Variants in MYH13 observed in about 807,000 individuals in gnomAD.
The protein encoded by MYH13 is myosin-13.
In MYH13, 177 loss-of-function variants were observed where a neutral mutation model predicts 232.1. The ratio of observed to expected loss-of-function variants is 0.76; its 90% CI spans 0.67 to 0.86. The LOEUF (loss-of-function observed/expected upper bound fraction) is 0.86. Among genes scored for constraint, MYH13 ranks in the 40% least tolerant of loss-of-function variants. MYH13 has a pLI of 0.00. For synonymous variants in MYH13, 884 were observed against 923.5 expected (o/e 0.96, Z 0.78); for missense variants, 2,246 against 2,405.9 (o/e 0.93, Z 1.39).
intron 35 of MYH13, among the ~76,000 whole-genome samples, chr17:10,308,559 T>C (rs1007404993): frequency 6.7e-6 from 1 of 149,946 alleles, no homozygotes; most frequent in African/African-American, 2.5e-5. Flanking sequence ...AAAAATATAA[T>C]ATTTATATAA....
chr17:10,346,727 C>A lies in MYH13; in HGVS notation c.1216G>T (p.Val406Leu). ...GTGACATATTCATTGCCAACCTTCA[C>A]CCTTGGACAGCACAGGCCCTTCAGC... Reference protein sequence around the residue: ...EMLKGLCCPRVKVGNEYVTKG... With the variant: ...EMLKGLCCPRLKVGNEYVTKG... Residue 406 changes from valine to leucine, a missense_variant, in exon 13 of 41, where the codon GTG becomes TTG. Coordinates refer to ENST00000252172, the MANE Select transcript of MYH13 (RefSeq NM_003802.3). 5.6e-6 allele frequency: 9 copies of A among 1,614,028 alleles called. No individual in the cohort carries two copies. Among genetic ancestry groups the A allele is most frequent in the Non-Finnish European group, 7.6e-6 (9 of 1,179,874 alleles).
intron 2 of MYH13, among the ~76,000 whole-genome samples, chr17:10,366,573 G>T (rs2071840066): frequency 6.6e-6 from 1 of 151,910 alleles, no homozygotes; most frequent in Admixed American, 6.6e-5. Context: ...TAGAGATGGG[G>T]TTTTGCCATG....
chr17:10,371,266 A>T lies in MYH13; in HGVS notation c.-63-7T>A, dbSNP rs2071875729. ...TCAGGAATAAAGCGTCTTCCTGGGG[A>T]TAATTTGAGAAAAAAAAACAAACCA... On this transcript the variant is annotated splice_region_variant and splice_polypyrimidine_tract_variant and intron_variant, in intron 1 of 40. Transcript: ENST00000252172. The T allele has an allele frequency of 6.7e-6, 1 of 148,392 alleles. No individual in the cohort carries two copies. The highest frequency in any genetic ancestry group is 6.7e-5 in the Admixed American group (1 of 14,970). 9.2% of individuals were successfully genotyped at this position (148,392 alleles called of 1,614,324 possible).
chr17:10,353,136 G>C (rs2142266755), intron 11 of MYH13, among the ~76,000 whole-genome samples: 1 of 152,286 alleles, frequency 6.6e-6, no homozygotes, highest in Middle Eastern at 3.4e-3. Flanking sequence ...TAATCAAGCT[G>C]TTTCTGTATG....
intron 2 of MYH13, among the ~76,000 whole-genome samples, chr17:10,369,693 AT>A (rs34286222): frequency 0.16 from 24,712 of 151,884 alleles, 2,458 homozygotes; most frequent in Non-Finnish European, 0.23. Context: ...TCAAGTAGAG[AT>A]TTTTTCTCCC....
At chr17:10,336,916 T>G (rs2071580010) in intron 18 of MYH13, among the ~76,000 whole-genome samples, 3 of 107,478 alleles carry the variant, frequency 2.8e-5, no homozygotes, top group African/African-American at 9.9e-5. Context: ...TCTTGAGCAC[T>G]GTGTCTTTTT....
chr17:10,321,225 G>A (rs1906928158), intron 24 of MYH13, among the ~76,000 whole-genome samples: 1 of 152,220 alleles, frequency 6.6e-6, no homozygotes, highest in Non-Finnish European at 1.5e-5. Context: ...AATGATGATG[G>A]TGATGATAGC....
chr17:10,338,782 G>A (rs2071597100), intron 18 of MYH13, among the ~76,000 whole-genome samples: 1 of 150,120 alleles, frequency 6.7e-6, no homozygotes, highest in Admixed American at 6.8e-5. Flanking sequence ...CTCACTGCAA[G>A]CTCCGTCTCC....
intron 23 of MYH13, among the ~76,000 whole-genome samples, chr17:10,323,264 T>C (rs982327807): frequency 4.6e-5 from 7 of 152,200 alleles, no homozygotes; most frequent in Admixed American, 6.5e-5. Flanking sequence ...AAAGGCTGCA[T>C]CAGTCTCTGT....
chr17:10,310,381 C>T (rs1297015999), intron 33 of MYH13, among the ~76,000 whole-genome samples: 2 of 152,094 alleles, frequency 1.3e-5, no homozygotes, highest in Non-Finnish European at 2.9e-5. Context: ...TTGTGAGCCA[C>T]CATGCCCGGC....
At position 10,309,755 on chromosome 17, in the gene MYH13, G is replaced by C. The variant is rs1427470488; in HGVS notation, c.4732C>G (p.Arg1578Gly). 6.2e-7 allele frequency: 1 copy of C among 1,600,604 alleles called. No homozygotes were observed. The highest frequency in any genetic ancestry group is 8.5e-7 in the Non-Finnish European group (1 of 1,173,488). The stretch of plus-strand genomic sequence containing the variant: ...TCTTCATCCTTCTCAATGACCTTGC[G>C]GTCTAGCTCGGATTTCACCTGGCTC... ...ELSQVKSELD[R>G]KVIEKDEEIE... The change falls in exon 34 of 41, where the codon CGC (arginine) becomes GGC (glycine). Residue 1578 changes from arginine (R) to glycine (G), a missense_variant. By Grantham distance (125) the Arg-to-Gly change is moderately radical (BLOSUM62 -2). Transcript: ENST00000252172.
At chr17:10,356,250 T>C (rs1171101345) in intron 8 of MYH13, among the ~76,000 whole-genome samples, 1 of 152,222 alleles carries the variant, frequency 6.6e-6, no homozygotes, top group African/African-American at 2.4e-5. Context: ...TAAAGGCACA[T>C]GTGCACTGTA....
intron 24 of MYH13, 77 bp downstream of exon 24, chr17:10,321,455 G>C (rs1906935330): frequency 1.4e-6 from 2 of 1,401,468 alleles, no homozygotes; most frequent in South Asian, 2.8e-5. Flanking sequence ...CTCAAGCCCT[G>C]TGTCCTAGTT....
intron 23 of MYH13, among the ~76,000 whole-genome samples, chr17:10,322,697 A>G (rs547840607): frequency 4.0e-4 from 54 of 136,554 alleles, no homozygotes; most frequent in African/African-American, 1.2e-3. Context: ...GCAGTGGCGC[A>G]GTCTCAGCTC....
intron 35 of MYH13, 139 bp downstream of exon 35, chr17:10,309,095 C>T (rs1342381751): frequency 1.2e-6 from 1 of 805,482 alleles, no homozygotes; most frequent in African/African-American, 1.7e-5. Flanking sequence ...TTTGTCTTGA[C>T]CACTAGTCTG....
intron 26 of MYH13, 52 bp from the exon 27 acceptor site, chr17:10,319,231 C>G: frequency 6.4e-7 from 1 of 1,556,960 alleles, no homozygotes; most frequent in Non-Finnish European, 8.7e-7. Context: ...GGGCAGCCCC[C>G]TTTGAGAGGG....
At chr17:10,350,521 G>A in intron 12 of MYH13, 35 bp downstream of exon 12, 3 of 1,603,904 alleles carry the variant, frequency 1.9e-6, no homozygotes. Flanking sequence ...GAACATAGAT[G>A]GACCCAATCG....
Position 10,354,819 on chromosome 17 carries a change from A to G in MYH13, c.902-36T>C, listed in dbSNP as rs375579183. 9 of 1,591,346 alleles carry G rather than the reference A, an allele frequency of 5.7e-6. No individual in the cohort carries two copies. The African/African-American group carries it at 9.8e-5, about 17-fold the overall frequency. ...CAGATATCCCTTTAATGGCTTATGC[A>G]TAACTTACTCTGGGTTGTTTTTTTT... On this transcript the variant is annotated intron_variant, in intron 10 of 40. Transcript: ENST00000252172.
At chr17:10,357,867 G>A (rs1188055265) in intron 7 of MYH13, 40 bp from the exon 8 acceptor site, 1 of 1,573,386 alleles carries the variant, frequency 6.4e-7, no homozygotes, top group South Asian at 1.1e-5. Flanking sequence ...GACTTTGGAT[G>A]GTTTTCTAAA....
Sources: allele counts gnomAD v4.1 joint callset (sites outside exome capture counted in the v4.1 genomes callset), GRCh38; gene constraint gnomAD v4.1.1; transcripts MANE v1.5; gene names NCBI Gene and HGNC (gene_info 2026-07-23, HGNC 2026-07-21).